RPTOR: variants seen among roughly 807,000 people sequenced by gnomAD.
RPTOR encodes regulatory associated protein of MTOR complex 1, also known as regulatory-associated protein of mTOR.
In RPTOR, 21 loss-of-function variants were observed where a neutral mutation model predicts 169.9. That is an observed-to-expected ratio of 0.12 (90% CI 0.09 to 0.18). RPTOR has a LOEUF of 0.18. Ranked by LOEUF, RPTOR falls within the 10% of genes least tolerant of loss-of-function variation. The pLI is 1.00. For synonymous variants in RPTOR, 732 were observed against 753.2 expected (o/e 0.97, Z 0.46); for missense variants, 1,133 against 1,855.9 (o/e 0.61, Z 7.16).
At chr17:80,564,715 T>C (rs1400278099) in intron 1 of RPTOR, among the ~76,000 whole-genome samples, 1 of 151,906 alleles carries the variant, frequency 6.6e-6, no homozygotes, top group East Asian at 1.9e-4. Flanking sequence ...TAGTACCCAA[T>C]AGCTTTTTTT....
chr17:80,657,007 G>A (rs1531946), intron 3 of RPTOR, among the ~76,000 whole-genome samples: 12,359 of 152,284 alleles, frequency 0.081, 597 homozygotes, highest in Middle Eastern at 0.12. Flanking sequence ...ATTATCATGG[G>A]CATTTTAATC....
intron 20 of RPTOR, among the ~76,000 whole-genome samples, chr17:80,904,525 T>A (rs1050956250): frequency 6.6e-6 from 1 of 152,192 alleles, no homozygotes; most frequent in Non-Finnish European, 1.5e-5. Context: ...CTCTGAACAA[T>A]AACTTCTAAA....
intron 21 of RPTOR, among the ~76,000 whole-genome samples, chr17:80,910,739 A>T (rs1234988126): frequency 6.6e-6 from 1 of 151,250 alleles, no homozygotes; most frequent in Admixed American, 6.6e-5. Context: ...CTGATATTAT[A>T]CTTCTGTGGC....
At chr17:80,802,916 G>C (rs942737535) in intron 7 of RPTOR, 1 of 152,388 alleles carries the variant, frequency 6.6e-6, no homozygotes, top group African/African-American at 2.4e-5. Context: ...CTCTTCTCTA[G>C]ACGCATCGTA....
intron 4 of RPTOR, among the ~76,000 whole-genome samples, chr17:80,728,877 T>C (rs75353455): frequency 0.024 from 3,626 of 152,224 alleles, 141 homozygotes; most frequent in African/African-American, 0.08. Flanking sequence ...CTTCAGTGGG[T>C]TTATTTACAG....
At position 80,724,946 on chromosome 17, in the gene RPTOR, C is replaced by T. The variant is rs190178302; in HGVS notation, c.508-5614C>T. Among the ~76,000 whole-genome samples, 147 of 152,350 alleles carry T rather than the reference C, an allele frequency of 9.6e-4. 1 individual carries two copies. The highest frequency in any genetic ancestry group is 9.3e-3 in the Admixed American group (142 of 15,302). ...AGGGCTTCTTCCTGCCATGCCTTGC[C>T]ACCACGCCCCTTGCCTCCCCTGGGA... On this transcript the variant is annotated intron_variant, in intron 4 of 33. Coordinates refer to ENST00000306801, the MANE Select transcript of RPTOR (RefSeq NM_020761.3).
chr17:80,691,341 TGTG>T (rs372716074), intron 3 of RPTOR, among the ~76,000 whole-genome samples: 92 of 121,650 alleles, frequency 7.6e-4, no homozygotes, highest in African/African-American at 3.5e-3. Flanking sequence ...ATGTGTGTGG[TGTG>T]GTGTGTGTGG....
chr17:80,920,385 G>C (rs988254577), intron 21 of RPTOR, among the ~76,000 whole-genome samples: 17 of 152,230 alleles, frequency 1.1e-4, no homozygotes, highest in Non-Finnish European at 1.5e-5. Flanking sequence ...CCTGATCCAG[G>C]TGTGTGTCTG....
At chr17:80,839,679 G>GCT (rs1271107148) in intron 10 of RPTOR, among the ~76,000 whole-genome samples, 3 of 152,242 alleles carry the variant, frequency 2.0e-5, no homozygotes, top group African/African-American at 7.2e-5. Context: ...TTTCCGAAGA[G>GCT]CTCTGGGCCT....
chr17:80,896,366 C>CGCG (rs1567974468), intron 20 of RPTOR, among the ~76,000 whole-genome samples: 1 of 22,310 alleles, frequency 4.5e-5, no homozygotes. Context: ...ACACAGCCGC[C>CGCG]CCGACACCCC....
intron 3 of RPTOR, among the ~76,000 whole-genome samples, chr17:80,698,598 G>A (rs550253513): frequency 6.6e-6 from 1 of 152,260 alleles, no homozygotes; most frequent in Non-Finnish European, 1.5e-5. Context: ...CCTCAGCCTC[G>A]TCACCGTTTA....
chr17:80,903,485 C>T (rs935167172), intron 20 of RPTOR, among the ~76,000 whole-genome samples: 14 of 152,216 alleles, frequency 9.2e-5, no homozygotes, highest in East Asian at 1.9e-4. Flanking sequence ...ACATTGCGGC[C>T]GGCTGCACTG....
rs563999349 is a variant in RPTOR, at chr17:80,939,928, C to T, written c.2920-568C>T. On this transcript the variant is annotated intron_variant, in intron 24 of 33. Coordinates refer to ENST00000306801, the MANE Select transcript of RPTOR (RefSeq NM_020761.3). ...ACCTGTCAGCCTCACAGGCCACTCA[C>T]TCAAGGGTCTCAGAGCCCCCACACT... Among the ~76,000 whole-genome samples, 4 of 152,338 alleles carry T rather than the reference C, an allele frequency of 2.6e-5. No individual in the cohort carries two copies. The South Asian group carries it at 8.3e-4, about 32-fold the overall frequency.
chr17:80,837,050 C>T (rs1021612574), intron 9 of RPTOR, among the ~76,000 whole-genome samples: 2 of 152,010 alleles, frequency 1.3e-5, no homozygotes, highest in African/African-American at 2.4e-5. Context: ...CCCTGAAGGA[C>T]GGGGTCGGGA....
At chr17:80,848,503 C>T (rs2067757055) in intron 11 of RPTOR, among the ~76,000 whole-genome samples, 1 of 152,240 alleles carries the variant, frequency 6.6e-6, no homozygotes, top group South Asian at 2.1e-4. Context: ...GTGATAGCAG[C>T]AACGCAACCA....
Position 80,708,721 on chromosome 17 carries a change from C to T in RPTOR, c.507+722C>T, listed in dbSNP as rs962409827. ...GTCTCCCCATCCTCCAGGGTGGGAA[C>T]CTTGGTCTGTCTCAGAGCAGCCAGC... On this transcript the variant is annotated intron_variant, in intron 4 of 33. Transcript: ENST00000306801. The surrounding 1 kb of genome is among the most constrained non-coding windows in gnomAD (Gnocchi z 4.2). 5.3e-5 allele frequency among the ~76,000 whole-genome samples: 8 copies of T among 152,050 alleles called. No homozygotes were observed. The highest frequency in any genetic ancestry group is 1.0e-4 in the Non-Finnish European group (7 of 68,022).
At chr17:80,852,110 T>C (rs2067799213) in intron 11 of RPTOR, among the ~76,000 whole-genome samples, 1 of 152,174 alleles carries the variant, frequency 6.6e-6, no homozygotes, top group Non-Finnish European at 1.5e-5. Context: ...AGACATCTGG[T>C]AGCCGAACAC....
At chr17:80,747,115 G>T (rs1327266274) in intron 5 of RPTOR, among the ~76,000 whole-genome samples, 1 of 152,218 alleles carries the variant, frequency 6.6e-6, no homozygotes, top group African/African-American at 2.4e-5. Flanking sequence ...TACTCAGGAG[G>T]CTGAGGGAGG....
intron 7 of RPTOR, among the ~76,000 whole-genome samples, chr17:80,821,326 T>A (rs1385364827): frequency 1.3e-5 from 2 of 152,252 alleles, no homozygotes; most frequent in Non-Finnish European, 2.9e-5. Flanking sequence ...TGAATATTAT[T>A]CTGATGAAGA....
Sources: allele counts gnomAD v4.1 joint callset (sites outside exome capture counted in the v4.1 genomes callset), GRCh38; gene constraint gnomAD v4.1.1; non-coding constraint Gnocchi (gnomAD v3.1); transcripts MANE v1.5; gene names NCBI Gene and HGNC (gene_info 2026-07-23, HGNC 2026-07-21).